KCNU1: variants seen among roughly 807,000 people sequenced by gnomAD.
The protein encoded by KCNU1 is potassium channel subfamily U member 1.
A neutral mutation model predicts 126.8 loss-of-function variants in KCNU1; 93 were observed. The ratio of observed to expected loss-of-function variants is 0.73; its 90% confidence interval spans 0.62 to 0.87. The LOEUF is 0.87. KCNU1 is among the 40% of genes least tolerant of loss of function. The pLI, the probability that KCNU1 is intolerant of heterozygous loss-of-function variation, is 0.00. For synonymous variants in KCNU1, 523 were observed against 494.2 expected, an observed-to-expected ratio of 1.06 and a Z score of -0.77; for missense variants, 1,330 against 1,367.1, an observed-to-expected ratio of 0.97 and a Z score of 0.43.
intron 18 of KCNU1, among the ~76,000 whole-genome samples, chr8:36,864,051 C>A (rs1037621515): frequency 6.6e-6 from 1 of 152,084 alleles, no homozygotes; most frequent in African/African-American, 2.4e-5. Flanking sequence ...AGGAAGGAGA[C>A]AGGATTTTTG....
intron 18 of KCNU1, among the ~76,000 whole-genome samples, chr8:36,849,957 T>C (rs1805284773): frequency 6.6e-6 from 1 of 152,134 alleles, no homozygotes; most frequent in African/African-American, 2.4e-5. Flanking sequence ...TGCAGAAAGG[T>C]TCCAGTTTTT....
intron 19 of KCNU1, among the ~76,000 whole-genome samples, chr8:36,877,285 A>T (rs1806309098): frequency 6.6e-6 from 1 of 151,552 alleles, no homozygotes; most frequent in Admixed American, 6.6e-5. Context: ...AGGATTTCTT[A>T]AATCTCTAGT....
At chr8:36,850,609 A>G (rs1435112264) in intron 18 of KCNU1, among the ~76,000 whole-genome samples, 1 of 152,094 alleles carries the variant, frequency 6.6e-6, no homozygotes, top group Non-Finnish European at 1.5e-5. Context: ...GGTGCCCACA[A>G]CTATGCCCAG....
At position 36,814,201 on chromosome 8, in the gene KCNU1, G is replaced by A; in HGVS notation, c.733-6G>A. On this transcript the variant is annotated splice_polypyrimidine_tract_variant and splice_region_variant and intron_variant, in intron 7 of 26. Transcript: ENST00000399881. ...GATGTTTCCTGAGTCTTCTCTCTTT[G>A]GACAGGTGGAAAATTCTGGTGATCC... 1 of 1,610,690 alleles carries A rather than the reference G, an allele frequency of 6.2e-7. No individual in the cohort carries two copies. The highest frequency in any genetic ancestry group is 8.5e-7 in the Non-Finnish European group (1 of 1,177,392).
chr8:36,920,341 A>G (rs1183164407), intron 23 of KCNU1, among the ~76,000 whole-genome samples: 1 of 152,150 alleles, frequency 6.6e-6, no homozygotes, highest in East Asian at 1.9e-4. Flanking sequence ...AATGCAAAAC[A>G]TGTGGAAATG....
At chr8:36,922,713 A>T in intron 24 of KCNU1, 84 bp downstream of exon 24, 1 of 1,336,166 alleles carries the variant, frequency 7.5e-7, no homozygotes, top group South Asian at 1.4e-5. Context: ...AGTAGATGAT[A>T]ACACCTCACA....
intron 10 of KCNU1, 100 bp from the exon 11 acceptor site, chr8:36,833,454 G>A (rs1474862690): frequency 4.6e-6 from 3 of 652,652 alleles, no homozygotes; most frequent in South Asian, 1.8e-5. Flanking sequence ...ATATCACTAT[G>A]AGGGATTCTA....
rs16885577 is a variant in KCNU1 at position 36,930,961 on chromosome 8, A to G, written c.2747A>G (p.Asn916Ser). The change falls in exon 25 of 27, where the codon AAT becomes AGT. Residue 916 changes from asparagine to serine, a missense_variant. Asn to Ser is a conservative substitution (Grantham distance 46). This residue lies in a region of KCNU1 where 1,054 missense variants were observed against 1,053.9 expected (regional missense o/e 1.00). Transcript: ENST00000399881. ...GTCCTTGTTTTCCAGGCCTTCTACA[A>G]TTATCATGTCCTGGAATTGCTTCAG... is the stretch of plus-strand genomic sequence containing the variant. ...LDSLLATAFY[N>S]YHVLELLQML... 0.16 allele frequency: 261,329 copies of G among 1,602,684 alleles called. 24,064 individuals are homozygous for G. The highest frequency in any genetic ancestry group is 0.31 in the Middle Eastern group (1,875 of 6,024).
Position 36,803,391 on chromosome 8 carries a change from G to T in KCNU1, c.316-636G>T, listed in dbSNP as rs376814474. On this transcript the variant is annotated intron_variant, in intron 2 of 26. Coordinates refer to ENST00000399881, the MANE Select transcript of KCNU1 (RefSeq NM_001031836.3). Reference sequence around the variant, plus strand: ...ATTAACCTCAAATATCATGAAAGCTGCCAAAGATTTTATCCAAACACCCCC... The same window carrying T: ...ATTAACCTCAAATATCATGAAAGCTTCCAAAGATTTTATCCAAACACCCCC... 7.9e-5 allele frequency among the ~76,000 whole-genome samples: 12 copies of T among 152,162 alleles called. 2 individuals carry two copies. The highest frequency in any genetic ancestry group is 2.9e-4 in the African/African-American group (12 of 41,490).
chr8:36,874,180 C>T (rs1225428106), intron 19 of KCNU1, among the ~76,000 whole-genome samples: 2 of 152,154 alleles, frequency 1.3e-5, no homozygotes, highest in African/African-American at 2.4e-5. Context: ...TAATCTGACT[C>T]CCTGGAAACC....
At chr8:36,794,751 A>G (rs1803030657) in intron 2 of KCNU1, among the ~76,000 whole-genome samples, 1 of 151,950 alleles carries the variant, frequency 6.6e-6, no homozygotes, top group Non-Finnish European at 1.5e-5. Flanking sequence ...GTGAGACCTC[A>G]TTTGTACAAA....
rs16885562 is a variant in KCNU1 at position 36,926,622 on chromosome 8, C to T, written c.2736+3993C>T. ...TCTTCTCTATTCTGAGACAGTTTTC[C>T]AATTTCCAGCCAGAAGTCTGGTGCG... On this transcript the variant is annotated intron_variant, in intron 24 of 26. Coordinates refer to ENST00000399881, the MANE Select transcript of KCNU1 (RefSeq NM_001031836.3). Among the ~76,000 whole-genome samples the T allele has an allele frequency of 0.018, 2,714 of 152,214 alleles. 157 individuals carry two copies. In the East Asian group the frequency reaches 0.21, roughly 12 times the overall value.
chr8:36,808,652 G>GA, intron 6 of KCNU1, 66 bp from the exon 7 acceptor site: 1 of 945,782 alleles, frequency 1.1e-6, no homozygotes, highest in Non-Finnish European at 1.7e-6. Context: ...ACATCTTAGA[G>GA]GATGAGGTGT....
intron 6 of KCNU1, 67 bp from the exon 7 acceptor site, chr8:36,808,651 A>G: frequency 1.1e-6 from 1 of 934,460 alleles, no homozygotes; most frequent in South Asian, 1.4e-5. Context: ...AACATCTTAG[A>G]GGATGAGGTG....
chr8:36,828,847 T>A lies in KCNU1; in HGVS notation c.1107-4707T>A, dbSNP rs528287739. On this transcript the variant is annotated intron_variant, in intron 10 of 26. Transcript: ENST00000399881. The stretch of plus-strand genomic sequence containing the variant: ...TAGGCCATTAGTCATTTTTTCCAAG[T>A]CATTGCACCATTTGCAAGCCTATCA... Among the ~76,000 whole-genome samples the A allele has an allele frequency of 2.5e-4, 38 of 152,248 alleles. 2 individuals are homozygous for A. Among genetic ancestry groups the A allele is most frequent in the Middle Eastern group, 6.8e-3 (2 of 294 alleles).
intron 3 of KCNU1, among the ~76,000 whole-genome samples, chr8:36,804,339 C>G (rs1165506489): frequency 6.6e-6 from 1 of 152,164 alleles, no homozygotes; most frequent in African/African-American, 2.4e-5. Context: ...CAACCCCCAC[C>G]CGAGATTTAC....
intron 15 of KCNU1, 41 bp downstream of exon 15, chr8:36,840,616 G>A (rs1205322871): frequency 4.3e-6 from 5 of 1,161,528 alleles, no homozygotes; most frequent in Non-Finnish European, 1.3e-6. Flanking sequence ...TCAGACAACA[G>A]CATTCTTTCA....
intron 22 of KCNU1, among the ~76,000 whole-genome samples, chr8:36,916,823 C>T (rs554781051): frequency 7.2e-5 from 11 of 152,136 alleles, no homozygotes; most frequent in African/African-American, 2.4e-4. Flanking sequence ...TCATGAGGAG[C>T]TTCAGTTTTT....
At chr8:36,917,284 A>G (rs886388081) in intron 22 of KCNU1, among the ~76,000 whole-genome samples, 5 of 152,068 alleles carry the variant, frequency 3.3e-5, no homozygotes, top group Non-Finnish European at 7.4e-5. Flanking sequence ...CACAACTTAC[A>G]ATGCCATTAT....
Sources: gnomAD v4.1 joint callset for allele counts (sites outside exome capture counted in the v4.1 genomes callset) on GRCh38, gnomAD v4.1.1 for gene constraint, gnomAD v4.1.1 regional missense constraint, MANE v1.5 for transcripts, NCBI Gene and HGNC (gene_info 2026-07-23, HGNC 2026-07-21) for gene names.